Variants in CCDC62 observed in about 807,000 individuals in gnomAD.
The protein encoded by CCDC62 is coiled-coil domain containing 62.
In CCDC62, 72 loss-of-function variants were observed where a neutral mutation model predicts 80.8. The observed-to-expected ratio is 0.89, with a 90% confidence interval of 0.74 to 1.08. The LOEUF is 1.08. Ranked by LOEUF, CCDC62 falls within the 50% of genes least tolerant of loss-of-function variation. CCDC62 has a pLI of 0.00. For synonymous variants in CCDC62, 286 were observed against 296.5 expected (o/e 0.96, Z 0.36); for missense variants, 704 against 809.4 (o/e 0.87, Z 1.58).
At chr12:122,823,840 G>A (rs1358270533) in intron 12 of CCDC62, among the ~76,000 whole-genome samples, 1 of 151,810 alleles carries the variant, frequency 6.6e-6, no homozygotes, top group Non-Finnish European at 1.5e-5. Context: ...ACAAAAATTA[G>A]CCAGGCGCGG....
At chr12:122,819,353 G>A (rs1397434459) in intron 11 of CCDC62, among the ~76,000 whole-genome samples, 1 of 152,222 alleles carries the variant, frequency 6.6e-6, no homozygotes, top group African/African-American at 2.4e-5. Flanking sequence ...GCAATTCAGA[G>A]CCTTGCTGTG....
At chr12:122,826,378 T>G (rs1390044068) in intron 12 of CCDC62, 44 bp from the exon 13 acceptor site, 2 of 774,620 alleles carry the variant, frequency 2.6e-6, no homozygotes, top group Non-Finnish European at 4.8e-6. Context: ...CAATATTAAT[T>G]GATTGTATTT....
chr12:122,775,127 A>T (rs1429567391), intron 1 of CCDC62, among the ~76,000 whole-genome samples: 1 of 150,658 alleles, frequency 6.6e-6, no homozygotes. Flanking sequence ...GTGAAACAAT[A>T]CACTAGAGGA....
intron 4 of CCDC62, among the ~76,000 whole-genome samples, chr12:122,787,368 C>T (rs1363737945): frequency 1.3e-5 from 2 of 149,990 alleles, no homozygotes; most frequent in East Asian, 2.0e-4. Context: ...GGAGGATCCC[C>T]GGAAGCCGGG....
intron 11 of CCDC62, among the ~76,000 whole-genome samples, chr12:122,814,861 C>T (rs2032098322): frequency 6.6e-6 from 1 of 151,784 alleles, no homozygotes. Flanking sequence ...TCCTCTGTTG[C>T]CCAGGCTGGA....
At chr12:122,785,468 T>C (rs929351340) in intron 3 of CCDC62, among the ~76,000 whole-genome samples, 4 of 152,192 alleles carry the variant, frequency 2.6e-5, no homozygotes, top group Non-Finnish European at 4.4e-5. Context: ...CAAATACAAG[T>C]ACTGAGAGGA....
At chr12:122,791,277 TAC>T in intron 5 of CCDC62, among the ~76,000 whole-genome samples, 1 of 152,188 alleles carries the variant, frequency 6.6e-6, no homozygotes, top group East Asian at 1.9e-4. Flanking sequence ...TAGCTGGGAT[TAC>T]AGTCGCCCAC....
rs753919054 is a variant in CCDC62 at position 122,813,274 on chromosome 12, C to T, written c.1856C>T (p.Ser619Leu). The T allele has an allele frequency of 3.1e-6, 5 of 1,607,808 alleles. No individual in the cohort carries two copies. The Admixed American group carries it at 8.5e-5, about 27-fold the overall frequency. Residue 619 changes from serine to leucine, a missense_variant, in exon 11 of 13, where the codon TCA becomes TTA. Physicochemically the swap from Ser to Leu is moderately radical, Grantham distance 145. Coordinates refer to ENST00000253079, the MANE Select transcript of CCDC62 (RefSeq NM_201435.5). ...KDAPAFNEKASIVLPSQDDFS... is the reference protein window; with the variant it reads ...KDAPAFNEKALIVLPSQDDFS... ...GTGCCTCTTAATTTCCTGTAGGCTT[C>T]AATTGTGTTACCCTCCCAGGATGAT...
intron 10 of CCDC62, among the ~76,000 whole-genome samples, chr12:122,811,732 G>T (rs1204016731): frequency 2.2e-5 from 3 of 135,272 alleles, no homozygotes; most frequent in Admixed American, 8.5e-5. Flanking sequence ...AAAGGCAGGA[G>T]AATTGCTTGA....
chr12:122,798,335 C>G (rs904012590), intron 8 of CCDC62, 135 bp downstream of exon 8: 2 of 594,166 alleles, frequency 3.4e-6, no homozygotes, highest in Non-Finnish European at 6.0e-6. Context: ...GGGCACGGTG[C>G]CTCACACCTG....
chr12:122,777,401 A>C, intron 1 of CCDC62, 90 bp from the exon 2 acceptor site: 2 of 1,119,492 alleles, frequency 1.8e-6, no homozygotes, highest in Non-Finnish European at 2.5e-6. Flanking sequence ...ATTGGCCGCA[A>C]AAGAAGATAT....
At position 122,824,142 on chromosome 12, in the gene CCDC62, G is replaced by A. The variant is rs577344091; in HGVS notation, c.*40+683G>A. 1.1e-4 allele frequency among the ~76,000 whole-genome samples: 17 copies of A among 152,228 alleles called. No homozygotes were observed. In the East Asian group the frequency reaches 1.9e-3, roughly 17 times the overall value. ...ATCAAAACCACAATGCGGGCCGGGC[G>A]CAGTGGCTCATGCCCATAATCATAG... On this transcript the variant is annotated intron_variant, in intron 12 of 12. Transcript: ENST00000253079.
At chr12:122,819,862 C>G (rs933898796) in intron 11 of CCDC62, among the ~76,000 whole-genome samples, 1 of 151,650 alleles carries the variant, frequency 6.6e-6, no homozygotes, top group Non-Finnish European at 1.5e-5. Context: ...CGAGACCAGC[C>G]TGGGCAACAT....
chr12:122,791,969 G>A (rs773369245), intron 5 of CCDC62, 51 bp from the exon 6 acceptor site: 19 of 1,228,174 alleles, frequency 1.5e-5, no homozygotes, highest in Non-Finnish European at 2.3e-5. Flanking sequence ...TGTATATGAG[G>A]ACTGGAACCT....
At chr12:122,794,036 A>G (rs1004047577) in intron 6 of CCDC62, among the ~76,000 whole-genome samples, 2 of 152,226 alleles carry the variant, frequency 1.3e-5, no homozygotes, top group African/African-American at 4.8e-5. Flanking sequence ...TACAAATGCT[A>G]TGCATAAAAT....
chr12:122,787,115 A>G lies in CCDC62; in HGVS notation c.498+1295A>G, dbSNP rs1593788687. The stretch of plus-strand genomic sequence containing the variant: ...GTATGTCTGAAGGTGCTGCCAAGGC[A>G]TTTCCCCACCATTAAAACAGTGGGT... On this transcript the variant is annotated intron_variant, in intron 4 of 12. Transcript: ENST00000253079. Among the ~76,000 whole-genome samples, 4 of 152,234 alleles carry G rather than the reference A, an allele frequency of 2.6e-5. No homozygotes were observed. The South Asian group carries it at 6.2e-4, about 24-fold the overall frequency.
At chr12:122,802,227 C>T (rs79775390) in intron 9 of CCDC62, among the ~76,000 whole-genome samples, 6,656 of 152,132 alleles carry the variant, frequency 0.044, 275 homozygotes, top group East Asian at 0.24. Context: ...CCATTCTGAA[C>T]TGACACGCTG....
chr12:122,781,070 C>A (rs1209769673), intron 2 of CCDC62, 94 bp from the exon 3 acceptor site: 1 of 917,118 alleles, frequency 1.1e-6, no homozygotes, highest in Non-Finnish European at 1.7e-6. Context: ...TTTAAAAATT[C>A]TCTACCACAT....
chr12:122,783,331 T>C (rs1302959036), intron 3 of CCDC62, among the ~76,000 whole-genome samples: 1 of 150,386 alleles, frequency 6.6e-6, no homozygotes, highest in African/African-American at 2.4e-5. Context: ...GGGTTCACAC[T>C]ATTCTCCTGC....
Sources: gnomAD v4.1 joint callset for allele counts (sites outside exome capture counted in the v4.1 genomes callset) on GRCh38, gnomAD v4.1.1 for gene constraint, MANE v1.5 for transcripts, NCBI Gene and HGNC (gene_info 2026-07-23, HGNC 2026-07-21) for gene names.